The following XG variants were observed in gnomAD, a reference collection of about 807,000 sequenced individuals.
XG encodes the protein Xg glycoprotein (Xg blood group).
A neutral mutation model predicts 25.7 loss-of-function variants in XG; 24 were observed. The observed-to-expected ratio is 0.93, with a 90% CI of 0.68 to 1.31. The LOEUF (loss-of-function observed/expected upper bound fraction) is 1.31. XG is among the 40% of genes most tolerant of loss of function. XG has a pLI of 0.00. For synonymous variants in XG, 77 were observed against 69.2 expected, an observed-to-expected ratio of 1.11 and a Z score of -0.56; for missense variants, 181 against 187.6, an observed-to-expected ratio of 0.96 and a Z score of 0.21.
chrX:2,809,763 T>G (rs368298480), intron 9 of XG, among the ~76,000 whole-genome samples: 56 of 112,000 alleles, frequency 5.0e-4, no homozygotes, highest in African/African-American at 1.8e-3. Flanking sequence ...CTGGGTCTTC[T>G]TATGTATCTG....
intron 2 of XG, among the ~76,000 whole-genome samples, chrX:2,773,029 A>C (rs765006497): frequency 7.1e-6 from 1 of 141,828 alleles, no homozygotes; most frequent in Non-Finnish European, 1.5e-5. Flanking sequence ...AAATAGTTAT[A>C]ATTTTACATT....
intron 4 of XG, among the ~76,000 whole-genome samples, chrX:2,788,715 C>T (rs1406669946): frequency 9.1e-6 from 1 of 110,340 alleles, no homozygotes; most frequent in Non-Finnish European, 1.9e-5. Context: ...ATTGGCCAGG[C>T]GTGGTGGCAC....
intron 4 of XG, among the ~76,000 whole-genome samples, chrX:2,789,118 C>T (rs773640598): frequency 7.8e-4 from 86 of 110,710 alleles, no homozygotes; most frequent in African/African-American, 2.6e-3. Context: ...GTAGACTGAG[C>T]TACATGGGTG....
intron 3 of XG, among the ~76,000 whole-genome samples, chrX:2,777,571 T>C (rs1377172704): frequency 6.6e-6 from 1 of 151,872 alleles, no homozygotes; most frequent in African/African-American, 2.4e-5. Flanking sequence ...TCCGCCTGGG[T>C]GGCAGAGCCA....
At position 2,800,502 on chromosome X, in the gene XG, C is replaced by T. The variant is rs373815741; in HGVS notation, c.373+3142C>T. Among the ~76,000 whole-genome samples the T allele has an allele frequency of 2.2e-4, 25 of 112,247 alleles. 1 individual carries two copies. The South Asian group carries it at 4.4e-3, about 20-fold the overall frequency. On this transcript the variant is annotated intron_variant, in intron 7 of 10. Transcript: ENST00000644266. ...TTGATGTCCGTCATCTTCGTTACCT[C>T]GGAAGCGAGTGTTGTCATCAGATCC...
intron 9 of XG, 42 bp from the exon 10 acceptor site, chrX:2,811,294 G>GT (rs755904822): frequency 2.8e-6 from 3 of 1,086,944 alleles, no homozygotes; most frequent in Admixed American, 2.3e-5. Flanking sequence ...CTGCAGCCAT[G>GT]TTTTTTTCTC....
chrX:2,766,026 C>T (rs966441651), intron 1 of XG, among the ~76,000 whole-genome samples: 1 of 152,234 alleles, frequency 6.6e-6, no homozygotes, highest in Non-Finnish European at 1.5e-5. Context: ...TTTGGTTCAT[C>T]CAAGTCTGGA....
intron 1 of XG, 81 bp from the exon 2 acceptor site, chrX:2,770,469 G>T: frequency 6.5e-7 from 1 of 1,545,998 alleles, no homozygotes; most frequent in Non-Finnish European, 8.9e-7. Flanking sequence ...GCAGGAGGAG[G>T]GGAGCAGCAT....
chrX:2,772,604 G>A (rs1308236400), intron 2 of XG, among the ~76,000 whole-genome samples: 1 of 152,074 alleles, frequency 6.6e-6, no homozygotes, highest in Non-Finnish European at 1.5e-5. Flanking sequence ...CCTTTTGGGG[G>A]GATGAAACTG....
intron 6 of XG, among the ~76,000 whole-genome samples, chrX:2,795,995 A>G (rs149790623): frequency 9.2e-6 from 1 of 109,187 alleles, no homozygotes; most frequent in Non-Finnish European, 1.9e-5. Context: ...ATATATCTTT[A>G]ATATATCTTT....
intron 7 of XG, among the ~76,000 whole-genome samples, chrX:2,801,778 G>A (rs1268255483): frequency 4.5e-5 from 5 of 110,027 alleles, no homozygotes; most frequent in African/African-American, 1.3e-4. Flanking sequence ...GCGTCATCTC[G>A]GCTCACTGCA....
intron 3 of XG, among the ~76,000 whole-genome samples, chrX:2,777,508 A>G (rs1387202496): frequency 6.6e-6 from 1 of 152,160 alleles, no homozygotes; most frequent in Non-Finnish European, 1.5e-5. Context: ...TGGGAGGATC[A>G]CTTGAGCCCC....
chrX:2,801,251 A>G (rs2086933997), intron 7 of XG, among the ~76,000 whole-genome samples: 1 of 110,780 alleles, frequency 9.0e-6, no homozygotes, highest in Non-Finnish European at 1.9e-5. Flanking sequence ...AGAATTCAGG[A>G]CACAGACACA....
chrX:2,758,059 C>G (rs1395309699), intron 1 of XG, among the ~76,000 whole-genome samples: 4 of 151,980 alleles, frequency 2.6e-5, no homozygotes, highest in Non-Finnish European at 5.9e-5. Context: ...GTACAGAACC[C>G]CAAACCACGC....
intron 4 of XG, among the ~76,000 whole-genome samples, chrX:2,788,620 C>T (rs2086806989): frequency 9.0e-6 from 1 of 111,287 alleles, no homozygotes; most frequent in African/African-American, 3.3e-5. Context: ...TTTGGGAGGC[C>T]AAGGTGGGCA....
chrX:2,757,505 A>T (rs1430758331), intron 1 of XG, among the ~76,000 whole-genome samples: 1 of 151,924 alleles, frequency 6.6e-6, no homozygotes, highest in Non-Finnish European at 1.5e-5. Context: ...TTCTATGTAA[A>T]GACTAAAAAA....
chrX:2,766,628 G>A (rs1264937624), intron 1 of XG, among the ~76,000 whole-genome samples: 3 of 135,356 alleles, frequency 2.2e-5, no homozygotes, highest in South Asian at 4.9e-4. Context: ...GTACTGGTGT[G>A]AACTCGGCTC....
chrX:2,805,194 GCTGGCCGCGGAGGGAAGCCCAAAGT>G (rs1346035945), intron 7 of XG, among the ~76,000 whole-genome samples: 1 of 112,685 alleles, frequency 8.9e-6, no homozygotes, highest in Admixed American at 9.4e-5. Context: ...GCTGACCGTG[GCTGGCCGCGGAGGGAAGCCCAAAGT>G]CTGGCCTCCC....
intron 3 of XG, among the ~76,000 whole-genome samples, chrX:2,781,035 G>A (rs185639724): frequency 6.6e-6 from 1 of 152,072 alleles, no homozygotes; most frequent in East Asian, 1.9e-4. Flanking sequence ...GTATGAGTGA[G>A]AGCACTTGGA....
Sources: allele counts gnomAD v4.1 joint callset (sites outside exome capture counted in the v4.1 genomes callset), GRCh38; gene constraint gnomAD v4.1.1; transcripts MANE v1.5; gene names NCBI Gene and HGNC (gene_info 2026-07-23, HGNC 2026-07-21).